PHACTR3: variants seen among roughly 807,000 people sequenced by gnomAD.
PHACTR3 encodes phosphatase and actin regulator 3, also known as protein phosphatase 1, regulatory subunit 123.
Under a neutral mutation model 66.8 loss-of-function variants are expected in PHACTR3, and 16 were observed. The observed-to-expected ratio is 0.24, with a 90% CI of 0.16 to 0.36. PHACTR3 has a LOEUF of 0.36. Ranked by LOEUF, PHACTR3 falls within the 10% of genes least tolerant of loss-of-function variation. The pLI is 1.00. For synonymous variants in PHACTR3, 323 were observed against 292.1 expected, an observed-to-expected ratio of 1.11 and a Z score of -1.08; for missense variants, 647 against 719.9, an observed-to-expected ratio of 0.90 and a Z score of 1.16.
rs769553820 is a variant in PHACTR3, at chr20:59,628,692, C to G, written c.118+23560C>G. On this transcript the variant is annotated intron_variant, in intron 1 of 12. Coordinates refer to ENST00000371015, the MANE Select transcript of PHACTR3 (RefSeq NM_080672.5). ...TTGGTCTCAAGACCTCCCCTGTTGC[C>G]TGTGCTCTGGAAGATTCCCCATAGT... is the stretch of plus-strand genomic sequence containing the variant. 749 of 985,402 alleles carry G rather than the reference C, an allele frequency of 7.6e-4. 1 individual carries two copies. The highest frequency in any genetic ancestry group is 8.8e-4 in the Non-Finnish European group (729 of 829,936). 61.0% of individuals were successfully genotyped at this position (985,402 alleles called of 1,614,324 possible).
At chr20:59,623,120 G>A (rs1600940128) in intron 1 of PHACTR3, among the ~76,000 whole-genome samples, 1 of 151,720 alleles carries the variant, frequency 6.6e-6, no homozygotes, top group African/African-American at 2.4e-5. Flanking sequence ...TTTTTTGTGG[G>A]AGGCAGGAGC....
At chr20:59,773,058 C>G (rs1342334217) in intron 5 of PHACTR3, among the ~76,000 whole-genome samples, 2 of 152,292 alleles carry the variant, frequency 1.3e-5, no homozygotes, top group East Asian at 3.9e-4. Context: ...GGCTTGGCCC[C>G]TAACAGGGTT....
chr20:59,619,251 C>T (rs2034148452), intron 1 of PHACTR3, among the ~76,000 whole-genome samples: 1 of 152,094 alleles, frequency 6.6e-6, no homozygotes, highest in Non-Finnish European at 1.5e-5. Context: ...CTTGGTGGCC[C>T]TGCCCTAATC....
At chr20:59,774,220 C>T in intron 6 of PHACTR3, 23 bp from the exon 7 acceptor site, 2 of 1,557,234 alleles carry the variant, frequency 1.3e-6, no homozygotes, top group Non-Finnish European at 1.7e-6. Flanking sequence ...TGACCTATAA[C>T]CTGAACCATC....
At chr20:59,756,690 T>C (rs1165870199) in intron 4 of PHACTR3, among the ~76,000 whole-genome samples, 1 of 151,844 alleles carries the variant, frequency 6.6e-6, no homozygotes, top group East Asian at 1.9e-4. Context: ...TTTTTTTTAA[T>C]ACTTTAAGTT....
At chr20:59,588,853 C>T (rs898498461) in intron 1 of PHACTR3, among the ~76,000 whole-genome samples, 17 of 152,248 alleles carry the variant, frequency 1.1e-4, no homozygotes, top group African/African-American at 2.9e-4. Context: ...CAGGGACACT[C>T]CTCCAGCCTG....
Position 59,786,758 on chromosome 20 carries a change from A to T in PHACTR3, c.1174+12268A>T, listed in dbSNP as rs530559273. Among the ~76,000 whole-genome samples the T allele has an allele frequency of 5.9e-5, 9 of 151,632 alleles. No individual in the cohort carries two copies. In the South Asian group the frequency reaches 1.9e-3, roughly 32 times the overall value. On this transcript the variant is annotated intron_variant, in intron 7 of 12. Coordinates refer to ENST00000371015, the MANE Select transcript of PHACTR3 (RefSeq NM_080672.5). ...CCATGGAGCTCTTTCTGTGCAGTTGACAGATGTCCGTGGAGCTCTCTCTGT... is the reference window on the plus strand; with the variant it reads ...CCATGGAGCTCTTTCTGTGCAGTTGTCAGATGTCCGTGGAGCTCTCTCTGT...
intron 8 of PHACTR3, among the ~76,000 whole-genome samples, chr20:59,824,099 GCCCACCCATT>G (rs2042120496): frequency 6.6e-6 from 1 of 152,154 alleles, no homozygotes; most frequent in Non-Finnish European, 1.5e-5. Context: ...ATCAGATCAG[GCCCACCCATT>G]TCAGCCAGGA....
chr20:59,618,288 C>A (rs1028008731), intron 1 of PHACTR3, among the ~76,000 whole-genome samples: 3 of 152,088 alleles, frequency 2.0e-5, no homozygotes, highest in Non-Finnish European at 4.4e-5. Flanking sequence ...GCTTGTCTGC[C>A]ATGAGGGAAC....
At chr20:59,607,193 A>C (rs2033700641) in intron 1 of PHACTR3, among the ~76,000 whole-genome samples, 1 of 152,008 alleles carries the variant, frequency 6.6e-6, no homozygotes. Flanking sequence ...TCTGTTTAAG[A>C]ATTCTTTTTC....
chr20:59,798,807 AT>A (rs1351536282), intron 7 of PHACTR3, among the ~76,000 whole-genome samples: 5 of 151,230 alleles, frequency 3.3e-5, no homozygotes, highest in African/African-American at 1.2e-4. Context: ...TTTAAATTTC[AT>A]TGGTTTCTGC....
intron 1 of PHACTR3, among the ~76,000 whole-genome samples, chr20:59,717,342 G>A (rs1171447310): frequency 2.6e-5 from 4 of 152,296 alleles, no homozygotes; most frequent in East Asian, 3.9e-4. Flanking sequence ...GATATCTTGT[G>A]TACCCTTTCC....
chr20:59,597,869 C>A (rs1476330005), intron 1 of PHACTR3, among the ~76,000 whole-genome samples: 1 of 152,244 alleles, frequency 6.6e-6, no homozygotes, highest in South Asian at 2.1e-4. Context: ...GTCAGGACTG[C>A]AAACTGCACC....
chr20:59,806,329 C>A, intron 8 of PHACTR3, 135 bp downstream of exon 8: 1 of 1,169,568 alleles, frequency 8.6e-7, no homozygotes, highest in Non-Finnish European at 1.2e-6. Context: ...TTGACCCCGC[C>A]ACCGTTGACG....
At chr20:59,778,162 G>A (rs746155172) in intron 7 of PHACTR3, among the ~76,000 whole-genome samples, 4 of 152,136 alleles carry the variant, frequency 2.6e-5, no homozygotes, top group Non-Finnish European at 5.9e-5. Flanking sequence ...TGGCCTCCAG[G>A]CGGTCTCTCT....
chr20:59,683,385 G>A (rs1352347648), intron 1 of PHACTR3, among the ~76,000 whole-genome samples: 1 of 152,200 alleles, frequency 6.6e-6, no homozygotes, highest in Admixed American at 6.5e-5. Flanking sequence ...GGCCGCAGCT[G>A]AGCAGAAGCT....
chr20:59,600,250 G>A (rs944063910), upstream of PHACTR3, among the ~76,000 whole-genome samples: 2 of 152,152 alleles, frequency 1.3e-5, no homozygotes, highest in East Asian at 3.8e-4. Context: ...TCCAGATGAG[G>A]CATGCTGCAC....
chr20:59,732,244 A>G (rs1309550350), intron 1 of PHACTR3, among the ~76,000 whole-genome samples: 5 of 152,196 alleles, frequency 3.3e-5, no homozygotes, highest in Non-Finnish European at 7.4e-5. Flanking sequence ...TCATGCCTAG[A>G]TGGTAAACTG....
chr20:59,654,620 A>C (rs1344040092), intron 1 of PHACTR3, among the ~76,000 whole-genome samples: 1 of 152,136 alleles, frequency 6.6e-6, no homozygotes, highest in Non-Finnish European at 1.5e-5. Flanking sequence ...CAAGCTTTTA[A>C]ATTTTACTAC....
Sources: allele counts gnomAD v4.1 joint callset (sites outside exome capture counted in the v4.1 genomes callset), GRCh38; gene constraint gnomAD v4.1.1; transcripts MANE v1.5; gene names NCBI Gene and HGNC (gene_info 2026-07-23, HGNC 2026-07-21).